Variants in PCDHA10 observed in about 807,000 individuals in gnomAD.
The protein encoded by PCDHA10 is protocadherin alpha 10, also known as protocadherin alpha-10.
In PCDHA10, 45 loss-of-function variants were observed where a neutral mutation model predicts 61.2. The observed-to-expected ratio is 0.74, with a 90% CI of 0.58 to 0.94. The LOEUF is 0.94. Among genes scored for constraint, PCDHA10 ranks in the 40% least tolerant of loss-of-function variants. The probability of loss-of-function intolerance (pLI) is 0.00; values close to 1 mark genes in which losing one functional copy is unlikely to be tolerated. For synonymous variants in PCDHA10, 602 were observed against 548.8 expected (o/e 1.10, Z -1.35); for missense variants, 1,278 against 1,236.2 (o/e 1.03, Z -0.51).
intron 1 of PCDHA10, chr5:140,870,801 G>A: frequency 6.2e-7 from 1 of 1,613,670 alleles, no homozygotes; most frequent in Non-Finnish European, 8.5e-7. Context: ...CACTGCTGGC[G>A]ACTCAGGCTG....
intron 1 of PCDHA10, chr5:140,870,562 G>A: frequency 6.2e-7 from 1 of 1,613,996 alleles, no homozygotes; most frequent in Non-Finnish European, 8.5e-7. Context: ...GCAGGAGAAC[G>A]CGCTGGTGTC....
At chr5:140,875,596 G>T (rs1554167787) in intron 1 of PCDHA10, 2 of 1,613,938 alleles carry the variant, frequency 1.2e-6, no homozygotes, top group East Asian at 2.2e-5. Context: ...GGCCAAACAC[G>T]GCACCTTCGT....
At chr5:140,914,613 G>A (rs2076780862) in intron 1 of PCDHA10, among the ~76,000 whole-genome samples, 1 of 151,852 alleles carries the variant, frequency 6.6e-6, no homozygotes, top group Non-Finnish European at 1.5e-5. Flanking sequence ...CTGCCATTTT[G>A]TAATTTGTTT....
chr5:140,987,747 T>G (rs1336636332), intron 3 of PCDHA10, among the ~76,000 whole-genome samples: 1 of 152,178 alleles, frequency 6.6e-6, no homozygotes. Context: ...TAGACCCAGG[T>G]TGTTCTGAGT....
chr5:140,928,468 G>A, intron 1 of PCDHA10: 1 of 1,614,154 alleles, frequency 6.2e-7, no homozygotes. Flanking sequence ...TTTCCAAGTA[G>A]AAGGCCGGGA....
intron 1 of PCDHA10, chr5:140,968,123 C>T (rs782499744): frequency 1.1e-5 from 17 of 1,614,058 alleles, no homozygotes; most frequent in Admixed American, 3.3e-5. Context: ...CACATCCCTG[C>T]GTACACTGAA....
intron 1 of PCDHA10, chr5:140,866,995 A>G (rs1294829153): frequency 1.3e-5 from 2 of 152,138 alleles, no homozygotes; most frequent in Non-Finnish European, 2.9e-5. Flanking sequence ...AATGCAAAAG[A>G]TGGGTCATTG....
chr5:140,882,302 C>A, intron 1 of PCDHA10: 1 of 1,613,798 alleles, frequency 6.2e-7, no homozygotes, highest in Non-Finnish European at 8.5e-7. Context: ...CCCAAGACCG[C>A]GGCAACTACT....
Position 140,859,942 on chromosome 5 carries a change from C to T in PCDHA10, c.2388+1506C>T, listed in dbSNP as rs188063424. ...AGTAATATAAAAAACTTAGTAAAAACTCATATCAATTGTAAAAGTCTCAGG... is the reference window on the plus strand; with the variant it reads ...AGTAATATAAAAAACTTAGTAAAAATTCATATCAATTGTAAAAGTCTCAGG... On this transcript the variant is annotated intron_variant, in intron 1 of 3. Coordinates refer to ENST00000307360, the MANE Select transcript of PCDHA10 (RefSeq NM_018901.4). 5.9e-5 allele frequency: 9 copies of T among 151,828 alleles called. No individual in the cohort carries two copies. The East Asian group carries it at 1.5e-3, about 26-fold the overall frequency. 9.4% of individuals were successfully genotyped at this position (151,828 alleles called of 1,614,324 possible). A position where few individuals can be genotyped will look rare whatever the true frequency, so the allele number is the denominator to read the frequency against.
rs377370256 is a variant in PCDHA10 at position 140,966,811 on chromosome 5, G to A, written c.2389-12138G>A. On this transcript the variant is annotated intron_variant, in intron 1 of 3. Transcript: ENST00000307360. ...GACCTGCGGCGACAGAGCATCCACGGCTCCGGCGGCCCATGCCCTGGCTGC... is the reference window on the plus strand; with the variant it reads ...GACCTGCGGCGACAGAGCATCCACGACTCCGGCGGCCCATGCCCTGGCTGC... The A allele has an allele frequency of 1.4e-5, 21 of 1,549,722 alleles. No individual in the cohort carries two copies. The African/African-American group carries it at 2.6e-4, about 19-fold the overall frequency.
chr5:140,958,810 G>C (rs2095443726), intron 1 of PCDHA10, among the ~76,000 whole-genome samples: 1 of 151,988 alleles, frequency 6.6e-6, no homozygotes, highest in African/African-American at 2.4e-5. Flanking sequence ...ACACCATTCT[G>C]TTTTAATTTT....
chr5:141,003,741 A>G (rs1291595687), intron 3 of PCDHA10, among the ~76,000 whole-genome samples: 5 of 152,180 alleles, frequency 3.3e-5, no homozygotes, highest in South Asian at 2.1e-4. Flanking sequence ...AAGCAAAACC[A>G]TATTTTGTAT....
At chr5:140,872,545 TGAACCCAGGGGTTCAG>T (rs1372003067) in intron 1 of PCDHA10, among the ~76,000 whole-genome samples, 1 of 152,158 alleles carries the variant, frequency 6.6e-6, no homozygotes, top group Non-Finnish European at 1.5e-5. Flanking sequence ...GAGGATCCCC[TGAACCCAGGGGTTCAG>T]GGCTGCAGTG....
rs182448614 is a variant in PCDHA10, at chr5:140,856,533, G to T, written c.485G>T (p.Gly162Val). The T allele has an allele frequency of 3.4e-4, 545 of 1,598,390 alleles. 56 individuals carry two copies. The highest frequency in any genetic ancestry group is 4.4e-4 in the Non-Finnish European group (516 of 1,167,858). Residue 162 changes from glycine (G) to valine (V), a missense_variant, in exon 1 of 4, where the codon GGA becomes GTA. Transcript: ENST00000307360. ...PLEGASDADVGENALLTYKLS... is the reference protein window; with the variant it reads ...PLEGASDADVVENALLTYKLS... ...GAAGGCGCATCTGATGCGGATGTTG[G>T]AGAGAACGCATTGCTTACTTACAAA... is the stretch of plus-strand genomic sequence containing the variant.
chr5:141,000,555 G>A (rs1395458694), intron 3 of PCDHA10, among the ~76,000 whole-genome samples: 1 of 148,762 alleles, frequency 6.7e-6, no homozygotes, highest in Non-Finnish European at 1.5e-5. Context: ...AAACTCCCGA[G>A]TAGCTGGGAT....
At chr5:140,923,151 T>A (rs1239888412) in intron 1 of PCDHA10, among the ~76,000 whole-genome samples, 3 of 152,108 alleles carry the variant, frequency 2.0e-5, no homozygotes, top group Non-Finnish European at 4.4e-5. Context: ...ATAAAAAAAA[T>A]TATAGAAAGA....
Position 140,857,761 on chromosome 5 carries a change from C to T in PCDHA10, c.1713C>T (p.Ser571=). The T allele has an allele frequency of 6.3e-7, 1 of 1,597,214 alleles. No homozygotes were observed. Residue 571 remains serine (S), a synonymous_variant, in exon 1 of 4, where the codon AGC becomes AGT. Coordinates refer to ENST00000307360, the MANE Select transcript of PCDHA10 (RefSeq NM_018901.4). The stretch of plus-strand genomic sequence containing the variant: ...CGCTGCTGGCGTCTCCCGCTGGCAG[C>T]GCGGGCGGTGCAGTCAGTGAGCTGG... ...APALLASPAG[S]AGGAVSELVL... is the part of the protein sequence containing the mutation.
chr5:140,982,784 C>T (rs568886944), intron 3 of PCDHA10, among the ~76,000 whole-genome samples: 9 of 151,444 alleles, frequency 5.9e-5, no homozygotes, highest in South Asian at 2.1e-4. Flanking sequence ...TGTGTGTGCA[C>T]GCATGTGTGC....
intron 1 of PCDHA10, among the ~76,000 whole-genome samples, chr5:140,926,169 G>C (rs1212199081): frequency 6.6e-6 from 1 of 151,734 alleles, no homozygotes; most frequent in Non-Finnish European, 1.5e-5. Flanking sequence ...GCAGGATCCA[G>C]CGCGGAAAGC....
Sources: gnomAD v4.1 joint callset for allele counts (sites outside exome capture counted in the v4.1 genomes callset) on GRCh38, gnomAD v4.1.1 for gene constraint, MANE v1.5 for transcripts, NCBI Gene and HGNC (gene_info 2026-07-23, HGNC 2026-07-21) for gene names.